The following AFAP1 variants were observed in gnomAD, a reference collection of about 807,000 sequenced individuals.
AFAP1 encodes actin filament associated protein 1.
A neutral mutation model predicts 93.9 loss-of-function variants in AFAP1; 75 were observed. That is an observed-to-expected ratio of 0.80 (90% CI 0.66 to 0.97). AFAP1 has a LOEUF of 0.97. AFAP1 is among the 50% of genes least tolerant of loss of function. The pLI is 0.00. For missense variants in AFAP1, 1,201 were observed against 1,050.8 expected (o/e 1.14, Z -1.98); for synonymous variants, 517 against 430.7 (o/e 1.20, Z -2.48).
chr4:7,789,464 C>T (rs1371193456), intron 11 of AFAP1, among the ~76,000 whole-genome samples: 3 of 150,646 alleles, frequency 2.0e-5, no homozygotes, highest in Non-Finnish European at 4.4e-5. Flanking sequence ...TCCGCACCAG[C>T]CCCTGCTTTC....
In AFAP1 at chr4:7,843,292, A is replaced by ATCC; in HGVS notation, c.390_392dup (p.Glu130dup). 1 of 1,613,838 alleles carries ATCC rather than the reference A, an allele frequency of 6.2e-7. No homozygotes were observed. Among genetic ancestry groups the ATCC allele is most frequent in the South Asian group, 1.1e-5 (1 of 91,056 alleles). On this transcript the variant is annotated inframe_insertion, in exon 5 of 18. Coordinates refer to ENST00000420658, the MANE Select transcript of AFAP1 (RefSeq NM_001134647.2). ...GGTGCCGGGTTTTCTTCCCCTTCCC[A>ATCC]TCCTCCTCCTCTTCATCATACGACT...
intron 12 of AFAP1, among the ~76,000 whole-genome samples, chr4:7,785,599 C>T (rs750677858): frequency 6.6e-6 from 1 of 152,180 alleles, no homozygotes; most frequent in Non-Finnish European, 1.5e-5. Context: ...CTAACATGTT[C>T]TCCTTTAGTC....
chr4:7,939,815 T>G lies in AFAP1; in HGVS notation c.-162A>C, dbSNP rs1006595054. 1.0e-3 allele frequency: 314 copies of G among 309,454 alleles called. 1 individual carries two copies. The highest frequency in any genetic ancestry group is 7.0e-3 in the African/African-American group (302 of 43,084). The allele number at this position is 309,454 out of a possible 1,614,324, so 19.2% of individuals were successfully genotyped here. ...CCGTGTACCCCGCTCGAGATCCGGC[T>G]CGGCTCGCGGAGCTGCAGCCGGCGT... On this transcript the variant is annotated 5_prime_UTR_variant, in exon 1 of 18. Coordinates refer to ENST00000420658, the MANE Select transcript of AFAP1 (RefSeq NM_001134647.2). The surrounding 1 kb of genome is among the most constrained non-coding windows in gnomAD (Gnocchi z 5.6).
intron 9 of AFAP1, among the ~76,000 whole-genome samples, chr4:7,805,404 C>A (rs928597180): frequency 1.2e-4 from 18 of 152,154 alleles, no homozygotes; most frequent in African/African-American, 4.3e-4. Context: ...TCAGTCTCTC[C>A]GTTTCTCATG....
chr4:7,764,368 G>A (rs4689855), intron 17 of AFAP1, among the ~76,000 whole-genome samples: 6 of 151,408 alleles, frequency 4.0e-5, no homozygotes, highest in South Asian at 4.2e-4. Flanking sequence ...TAGCGAGACC[G>A]CATCATGTCT....
intron 1 of AFAP1, among the ~76,000 whole-genome samples, chr4:7,878,595 C>G (rs1206972317): frequency 6.6e-6 from 1 of 152,206 alleles, no homozygotes; most frequent in African/African-American, 2.4e-5. Context: ...TAGAAAGTAC[C>G]GTGGTCTCTG....
chr4:7,778,598 G>A (rs1216017556), intron 14 of AFAP1, 164 bp downstream of exon 14: 7 of 700,010 alleles, frequency 1.0e-5, no homozygotes, highest in South Asian at 5.0e-5. Context: ...GGTTGAAATC[G>A]CCACTGTCCT....
At chr4:7,871,125 C>A (rs1361220237) in intron 2 of AFAP1, among the ~76,000 whole-genome samples, 2 of 152,178 alleles carry the variant, frequency 1.3e-5, no homozygotes, top group Non-Finnish European at 2.9e-5. Flanking sequence ...ATGCTCTCCA[C>A]AGCAGCACTT....
chr4:7,866,349 C>T (rs1716398116), intron 3 of AFAP1, among the ~76,000 whole-genome samples: 1 of 152,150 alleles, frequency 6.6e-6, no homozygotes, highest in Non-Finnish European at 1.5e-5. Flanking sequence ...CTGCACACCA[C>T]CACACCCGGC....
rs997552215 is a variant in AFAP1, at chr4:7,761,176, C to T, written c.*2589G>A. On this transcript the variant is annotated 3_prime_UTR_variant, in exon 18 of 18. Transcript: ENST00000420658. The stretch of plus-strand genomic sequence containing the variant: ...AAAAACTATATTTATTGAACATATA[C>T]ACATAAATAACTTATTCTGAAGTAA... 1 of 152,232 alleles carries T rather than the reference C, an allele frequency of 6.6e-6. No individual in the cohort carries two copies. The highest frequency in any genetic ancestry group is 1.5e-5 in the Non-Finnish European group (1 of 68,048). 9.4% of individuals were successfully genotyped at this position (152,232 alleles called of 1,614,324 possible).
At chr4:7,918,626 G>C (rs1464142276) in intron 1 of AFAP1, among the ~76,000 whole-genome samples, 5 of 124,494 alleles carry the variant, frequency 4.0e-5, no homozygotes, top group African/African-American at 1.3e-4. Flanking sequence ...AGGTCACCAG[G>C]AAACAGGGCT....
intron 6 of AFAP1, among the ~76,000 whole-genome samples, chr4:7,835,947 G>A (rs147922034): frequency 1.8e-4 from 27 of 152,160 alleles, no homozygotes; most frequent in East Asian, 3.9e-4. Flanking sequence ...ATTTTGGAGC[G>A]CTAACACCCC....
chr4:7,838,739 G>C lies in AFAP1; in HGVS notation c.547-36C>G, dbSNP rs140733140. 6.9e-4 allele frequency: 1,111 copies of C among 1,602,312 alleles called. 7 individuals carry two copies. In the African/African-American group the frequency reaches 0.013, roughly 18 times the overall value. On this transcript the variant is annotated intron_variant, in intron 5 of 17. Transcript: ENST00000420658. Reference sequence around the variant, plus strand: ...CACAACAAATCAACTGATATTATAAGGGAGTTCGAACAGAAACACTGAGGA... The same window carrying C: ...CACAACAAATCAACTGATATTATAACGGAGTTCGAACAGAAACACTGAGGA...
intron 9 of AFAP1, among the ~76,000 whole-genome samples, chr4:7,802,800 C>A (rs1167795426): frequency 2.0e-5 from 3 of 152,110 alleles, no homozygotes; most frequent in Non-Finnish European, 2.9e-5. Flanking sequence ...CAGGCGCCCG[C>A]CACCACACCT....
chr4:7,879,088 G>T (rs1717690301), intron 1 of AFAP1, among the ~76,000 whole-genome samples: 1 of 152,196 alleles, frequency 6.6e-6, no homozygotes, highest in Non-Finnish European at 1.5e-5. Context: ...AACAGCTGTA[G>T]ATAGTTCACC....
At chr4:7,775,990 T>C (rs985018128) in intron 14 of AFAP1, 1 of 152,226 alleles carries the variant, frequency 6.6e-6, no homozygotes, top group African/African-American at 2.4e-5. Flanking sequence ...TCTCCTATTA[T>C]GTTGGCTTTT....
At chr4:7,923,607 T>C (rs1720554439) in intron 1 of AFAP1, among the ~76,000 whole-genome samples, 1 of 152,230 alleles carries the variant, frequency 6.6e-6, no homozygotes, top group African/African-American at 2.4e-5. Context: ...GCCTCCCAAG[T>C]AGCTGGGATT....
intron 12 of AFAP1, 124 bp downstream of exon 12, chr4:7,786,070 C>G: frequency 1.2e-6 from 1 of 801,936 alleles, no homozygotes; most frequent in Non-Finnish European, 2.0e-6. Flanking sequence ...ATGGAGTCTC[C>G]TTGCCTCAGA....
At chr4:7,903,217 A>G (rs1384710250) in intron 1 of AFAP1, among the ~76,000 whole-genome samples, 1 of 152,236 alleles carries the variant, frequency 6.6e-6, no homozygotes, top group Non-Finnish European at 1.5e-5. Flanking sequence ...CTAACTATCT[A>G]GGTGCCAGGC....
Sources: allele counts gnomAD v4.1 joint callset (sites outside exome capture counted in the v4.1 genomes callset), GRCh38; gene constraint gnomAD v4.1.1; non-coding constraint Gnocchi (gnomAD v3.1); transcripts MANE v1.5; gene names NCBI Gene and HGNC (gene_info 2026-07-23, HGNC 2026-07-21).